ZNF638: variants seen among roughly 807,000 people sequenced by gnomAD.
The protein encoded by ZNF638 is CTCL tumor antigen se33-1.
A neutral mutation model predicts 195.6 loss-of-function variants in ZNF638; 46 were observed. The ratio of observed to expected loss-of-function variants is 0.24; its 90% CI spans 0.19 to 0.30. ZNF638 has a LOEUF of 0.30. ZNF638 is among the 10% of genes least tolerant of loss of function. ZNF638 has a pLI of 1.00. For synonymous variants in ZNF638, 845 were observed against 772.0 expected (o/e 1.09, Z -1.57); for missense variants, 2,440 against 2,325.3 (o/e 1.05, Z -1.01).
intron 12 of ZNF638, 152 bp from the exon 13 acceptor site, chr2:71,399,407 A>G: frequency 1.7e-6 from 1 of 598,396 alleles, no homozygotes; most frequent in South Asian, 2.2e-5. Flanking sequence ...TCTTACTGGG[A>G]AAGAGGTACT....
At chr2:71,396,023 T>G (rs1573114069) in intron 10 of ZNF638, 118 bp from the exon 11 acceptor site, 13 of 826,274 alleles carry the variant, frequency 1.6e-5, no homozygotes, top group East Asian at 1.0e-4. Flanking sequence ...CATACAAAGA[T>G]GAGTATAGGG....
intron 16 of ZNF638, among the ~76,000 whole-genome samples, chr2:71,402,863 T>C (rs1008108262): frequency 4.6e-5 from 7 of 152,086 alleles, no homozygotes; most frequent in African/African-American, 1.7e-4. Context: ...TCTTTGAAAG[T>C]AGAATAGGAT....
chr2:71,356,794 A>AT lies in ZNF638; in HGVS notation c.1379+1026dup, dbSNP rs972567815. On this transcript the variant is annotated intron_variant, in intron 3 of 27. Coordinates refer to ENST00000264447, the MANE Select transcript of ZNF638 (RefSeq NM_014497.5). The stretch of plus-strand genomic sequence containing the variant: ...ACAGCCTGTTTCAAAAAAAAAAAAA[A>AT]TTTTTTTTTTTTAAGTAAGAATTTG... Among the ~76,000 whole-genome samples the AT allele has an allele frequency of 5.4e-3, 784 of 146,472 alleles. 6 individuals are homozygous for AT. The highest frequency in any genetic ancestry group is 0.015 in the African/African-American group (601 of 40,224).
At chr2:71,432,522 A>G (rs1054755497) in intron 26 of ZNF638, among the ~76,000 whole-genome samples, 8 of 152,170 alleles carry the variant, frequency 5.3e-5, no homozygotes, top group African/African-American at 1.9e-4. Flanking sequence ...TTAGACTGTT[A>G]GGTTCTTATC....
chr2:71,363,447 AAT>A (rs10545604), intron 4 of ZNF638, among the ~76,000 whole-genome samples: 72,635 of 151,778 alleles, frequency 0.48, 18,852 homozygotes, highest in Admixed American at 0.61. Flanking sequence ...TTCTCTTGTA[AAT>A]GCCTTGAATG....
Position 71,424,731 on chromosome 2 carries a change from C to T in ZNF638, c.4590+16C>T. The T allele has an allele frequency of 1.3e-6, 2 of 1,598,030 alleles. No homozygotes were observed. ...ATCTAAAGAGGTAAAAAATAGATCACAGACCCTAACCCTTCTTTTTCATCT... is the reference window on the plus strand; with the variant it reads ...ATCTAAAGAGGTAAAAAATAGATCATAGACCCTAACCCTTCTTTTTCATCT... On this transcript the variant is annotated intron_variant, in intron 23 of 27. Coordinates refer to ENST00000264447, the MANE Select transcript of ZNF638 (RefSeq NM_014497.5).
Position 71,426,943 on chromosome 2 carries a change from C to T in ZNF638, c.5074C>T (p.Leu1692=). ...TVDEIGEVEE[L]PLNESADITF... is the part of the protein sequence containing the mutation. ...GGATGAAATTGGAGAAGTGGAAGAG[C>T]TACCTTTGAATGAGTCAGCAGACAT... Residue 1692 remains leucine, a synonymous_variant, in exon 24 of 28, where the codon CTA becomes TTA. Transcript: ENST00000264447. The T allele has an allele frequency of 6.2e-7, 1 of 1,613,816 alleles. No individual in the cohort carries two copies. Among genetic ancestry groups the T allele is most frequent in the Non-Finnish European group, 8.5e-7 (1 of 1,179,870 alleles).
chr2:71,411,997 G>C (rs2080238458), intron 20 of ZNF638, among the ~76,000 whole-genome samples: 1 of 110,986 alleles, frequency 9.0e-6, no homozygotes, highest in African/African-American at 3.7e-5. Flanking sequence ...ACCCAGTAAT[G>C]GGATGGCTGG....
At chr2:71,361,340 T>C (rs2079106374) in intron 3 of ZNF638, among the ~76,000 whole-genome samples, 1 of 152,226 alleles carries the variant, frequency 6.6e-6, no homozygotes, top group South Asian at 2.1e-4. Context: ...TTTGATGTGT[T>C]GTTAATCACC....
rs921088331 is a variant in ZNF638 at position 71,417,662 on chromosome 2, T to G, written c.3262-940T>G. Among the ~76,000 whole-genome samples the G allele has an allele frequency of 6.0e-5, 9 of 150,508 alleles. No individual in the cohort carries two copies. The East Asian group carries it at 1.4e-3, about 23-fold the overall frequency. The stretch of plus-strand genomic sequence containing the variant: ...GAGTTCCTCTGATACCATGCAGGGT[T>G]TTTTTTTTTTTCTCTCTAATAAACT... On this transcript the variant is annotated intron_variant, in intron 20 of 27. Transcript: ENST00000264447.
rs1229257470 is a variant in ZNF638 at position 71,363,978 on chromosome 2, T to C, written c.1443T>C (p.Asn481=). The change falls in exon 5 of 28, where the codon AAT becomes AAC. Residue 481 remains asparagine, a synonymous_variant. Transcript: ENST00000264447. ...SRRNEGNRKE[N]ETPRRRSHSP... Reference sequence around the variant, plus strand: ...GAAATGAGGGCAATAGAAAAGAAAATGAAACTCCACGAAGACGTTCTCATT... The same window carrying C: ...GAAATGAGGGCAATAGAAAAGAAAACGAAACTCCACGAAGACGTTCTCATT... 6.2e-7 allele frequency: 1 copy of C among 1,613,010 alleles called. No individual in the cohort carries two copies. The highest frequency in any genetic ancestry group is 2.2e-5 in the East Asian group (1 of 44,886).
chr2:71,343,977 A>G (rs1337852458), intron 1 of ZNF638, among the ~76,000 whole-genome samples: 3 of 149,170 alleles, frequency 2.0e-5, no homozygotes, highest in Admixed American at 6.9e-5. Context: ...AAAAATAAAA[A>G]TAATCAGCCG....
rs745629906 is a variant in ZNF638 at position 71,365,581 on chromosome 2, A to G, written c.1870A>G (p.Ser624Gly). 6 of 1,614,096 alleles carry G rather than the reference A, an allele frequency of 3.7e-6. No individual in the cohort carries two copies. Among genetic ancestry groups the G allele is most frequent in the Non-Finnish European group, 5.1e-6 (6 of 1,180,034 alleles). Residue 624 changes from serine (S) to glycine (G), a missense_variant, in exon 6 of 28, where the codon AGC becomes GGC. By Grantham distance (56) the Ser-to-Gly change is moderately conservative. Coordinates refer to ENST00000264447, the MANE Select transcript of ZNF638 (RefSeq NM_014497.5). Reference protein sequence around the residue: ...SGTKPSVKPTSATKSDSNLGG... With the variant: ...SGTKPSVKPTGATKSDSNLGG... ...AACAAAACCATCAGTTAAACCTACA[A>G]GCGCTACAAAGAGTGATTCAAATCT...
intron 10 of ZNF638, among the ~76,000 whole-genome samples, chr2:71,382,612 A>G (rs1294105373): frequency 6.6e-6 from 1 of 152,248 alleles, no homozygotes; most frequent in Non-Finnish European, 1.5e-5. Flanking sequence ...CTGAGTAGCT[A>G]TTATATGCCC....
At chr2:71,332,696 C>A (rs552945977) in intron 1 of ZNF638, 1 of 152,228 alleles carries the variant, frequency 6.6e-6, no homozygotes, top group South Asian at 2.1e-4. Flanking sequence ...TCCTTGAGAA[C>A]GTTTGAAATA....
intron 1 of ZNF638, among the ~76,000 whole-genome samples, chr2:71,336,278 G>C (rs1351091637): frequency 6.7e-6 from 1 of 150,350 alleles, no homozygotes; most frequent in Non-Finnish European, 1.5e-5. Flanking sequence ...GCTGAGGTAG[G>C]AGAATCGCTT....
chr2:71,348,501 A>AG (rs1243869929), intron 1 of ZNF638: 1 of 1,113,474 alleles, frequency 9.0e-7, no homozygotes, highest in African/African-American at 1.7e-5. Flanking sequence ...CTCAGCACCT[A>AG]GGACAGCACC....
intron 12 of ZNF638, among the ~76,000 whole-genome samples, chr2:71,399,287 A>G (rs2079958296): frequency 6.6e-6 from 1 of 152,124 alleles, no homozygotes; most frequent in Non-Finnish European, 1.5e-5. Context: ...ACACAGTATT[A>G]TTTTTGCGTG....
At chr2:71,351,414 A>C (rs1429063949) in intron 2 of ZNF638, among the ~76,000 whole-genome samples, 1 of 152,222 alleles carries the variant, frequency 6.6e-6, no homozygotes. Context: ...GCCTTATTCC[A>C]TCAGAAGGGA....
Sources: gnomAD v4.1 joint callset for allele counts (sites outside exome capture counted in the v4.1 genomes callset) on GRCh38, gnomAD v4.1.1 for gene constraint, MANE v1.5 for transcripts, NCBI Gene and HGNC (gene_info 2026-07-23, HGNC 2026-07-21) for gene names.